Variants in CNTNAP5 observed in about 807,000 individuals in gnomAD.
CNTNAP5 encodes the protein contactin-associated protein-like 5.
In CNTNAP5, 72 loss-of-function variants were observed where a neutral mutation model predicts 150.2. The ratio of observed to expected loss-of-function variants is 0.48; its 90% CI spans 0.40 to 0.58. The LOEUF is 0.58. CNTNAP5 is among the 20% of genes least tolerant of loss of function. The pLI is 0.00. For missense variants in CNTNAP5, 1,636 were observed against 1,626.2 expected, an observed-to-expected ratio of 1.01 and a Z score of -0.10; for synonymous variants, 672 against 619.8, an observed-to-expected ratio of 1.08 and a Z score of -1.25.
chr2:124,649,524 C>T (rs1678274180), intron 13 of CNTNAP5, among the ~76,000 whole-genome samples: 1 of 152,104 alleles, frequency 6.6e-6, no homozygotes, highest in Non-Finnish European at 1.5e-5. Context: ...TTAGGATACG[C>T]ACTCCGTGAT....
intron 19 of CNTNAP5, among the ~76,000 whole-genome samples, chr2:124,855,248 G>A (rs1485819748): frequency 7.2e-6 from 1 of 139,506 alleles, no homozygotes; most frequent in Non-Finnish European, 1.5e-5. Flanking sequence ...CACAATCTTG[G>A]CTCACTGCAA....
intron 10 of CNTNAP5, among the ~76,000 whole-genome samples, chr2:124,545,230 C>A (rs572407213): frequency 1.3e-5 from 2 of 152,156 alleles, no homozygotes; most frequent in East Asian, 3.9e-4. Flanking sequence ...CAATAGCATA[C>A]TATATGTTGA....
At chr2:124,742,751 A>G (rs878875341) in intron 13 of CNTNAP5, among the ~76,000 whole-genome samples, 1 of 151,978 alleles carries the variant, frequency 6.6e-6, no homozygotes, top group Non-Finnish European at 1.5e-5. Flanking sequence ...AACTCATGCA[A>G]TTCCTCAGTC....
chr2:124,888,573 T>A (rs914317380), intron 21 of CNTNAP5, among the ~76,000 whole-genome samples: 2 of 152,134 alleles, frequency 1.3e-5, no homozygotes, highest in African/African-American at 4.8e-5. Context: ...CAACAGTGAA[T>A]AAGCTTCTTC....
chr2:124,205,406 GT>G (rs1254599143), intron 1 of CNTNAP5, among the ~76,000 whole-genome samples: 1 of 150,126 alleles, frequency 6.7e-6, no homozygotes, highest in Non-Finnish European at 1.5e-5. Flanking sequence ...AATTAAAGTT[GT>G]TTTCTTTTCT....
chr2:124,151,901 G>A (rs189788167), intron 1 of CNTNAP5, among the ~76,000 whole-genome samples: 6 of 152,282 alleles, frequency 3.9e-5, no homozygotes, highest in Admixed American at 2.6e-4. Context: ...TAATTATCTC[G>A]TGACTGCCAG....
chr2:124,813,415 G>C (rs1320830488), intron 19 of CNTNAP5, among the ~76,000 whole-genome samples: 3 of 150,340 alleles, frequency 2.0e-5, no homozygotes, highest in Non-Finnish European at 4.4e-5. Flanking sequence ...TTGAAGAAAA[G>C]ATATACCCTC....
chr2:124,473,024 T>C (rs1693554293), intron 6 of CNTNAP5, among the ~76,000 whole-genome samples: 1 of 152,010 alleles, frequency 6.6e-6, no homozygotes, highest in South Asian at 2.1e-4. Context: ...TATAAAAGTA[T>C]ATACAAGTAT....
chr2:124,610,485 T>C (rs1314635070), intron 12 of CNTNAP5, among the ~76,000 whole-genome samples: 2 of 152,164 alleles, frequency 1.3e-5, no homozygotes, highest in Non-Finnish European at 2.9e-5. Flanking sequence ...CAAAACAAAA[T>C]GAAAAGGTGA....
chr2:124,284,102 A>G (rs967575730), intron 3 of CNTNAP5, among the ~76,000 whole-genome samples: 3 of 152,192 alleles, frequency 2.0e-5, no homozygotes, highest in South Asian at 2.1e-4. Context: ...ACTGGAACAC[A>G]GGATGTTCTA....
At chr2:124,639,978 C>T (rs1361586109) in intron 12 of CNTNAP5, among the ~76,000 whole-genome samples, 2 of 152,108 alleles carry the variant, frequency 1.3e-5, no homozygotes, top group African/African-American at 4.8e-5. Flanking sequence ...AGGAATGCAA[C>T]ACAAGGCAGT....
At chr2:124,249,190 A>G (rs538149523) in intron 3 of CNTNAP5, among the ~76,000 whole-genome samples, 2 of 152,240 alleles carry the variant, frequency 1.3e-5, no homozygotes, top group East Asian at 3.9e-4. Flanking sequence ...CTTACTTTCC[A>G]ATCTGACTCT....
At chr2:124,248,069 A>G (rs960746155) in intron 3 of CNTNAP5, among the ~76,000 whole-genome samples, 2 of 152,216 alleles carry the variant, frequency 1.3e-5, no homozygotes, top group Admixed American at 6.5e-5. Flanking sequence ...GAGACCACCA[A>G]TGCAAAAGCA....
chr2:124,083,431 G>T (rs1682605629), intron 1 of CNTNAP5, among the ~76,000 whole-genome samples: 1 of 152,016 alleles, frequency 6.6e-6, no homozygotes, highest in African/African-American at 2.4e-5. Context: ...CATGTTTAGG[G>T]TCTTTTGTAG....
At chr2:124,648,108 G>A in intron 13 of CNTNAP5, 150 bp downstream of exon 13, 2 of 674,970 alleles carry the variant, frequency 3.0e-6, no homozygotes, top group South Asian at 2.2e-5. Context: ...GTCTGGTTAT[G>A]TAGTAATCCT....
chr2:124,459,611 G>A (rs1282175396), intron 6 of CNTNAP5, among the ~76,000 whole-genome samples: 1 of 151,762 alleles, frequency 6.6e-6, no homozygotes, highest in African/African-American at 2.4e-5. Flanking sequence ...AATTAACTGG[G>A]CATGGTGCAC....
At chr2:124,658,544 C>T (rs1678506817) in intron 13 of CNTNAP5, among the ~76,000 whole-genome samples, 1 of 151,408 alleles carries the variant, frequency 6.6e-6, no homozygotes, top group African/African-American at 2.4e-5. Context: ...ATGAAATGTG[C>T]TAATATAGTT....
chr2:124,138,846 CAT>C (rs140574950), intron 1 of CNTNAP5, among the ~76,000 whole-genome samples: 7,174 of 151,646 alleles, frequency 0.047, 252 homozygotes, highest in South Asian at 0.15. Flanking sequence ...CACCACATAT[CAT>C]ATATATATAT....
At chr2:124,084,057 T>TC (rs1398161175) in intron 1 of CNTNAP5, among the ~76,000 whole-genome samples, 7 of 152,164 alleles carry the variant, frequency 4.6e-5, no homozygotes, top group Non-Finnish European at 8.8e-5. Context: ...TTTGGCTTTT[T>TC]ATCAGTGTTT....
Sources: allele counts gnomAD v4.1 joint callset (sites outside exome capture counted in the v4.1 genomes callset), GRCh38; gene constraint gnomAD v4.1.1; transcripts MANE v1.5; gene names NCBI Gene and HGNC (gene_info 2026-07-23, HGNC 2026-07-21).